PCDHGA4: variants seen among roughly 807,000 people sequenced by gnomAD.
PCDHGA4 encodes the protein protocadherin gamma subfamily A, 4.
In PCDHGA4, 38 loss-of-function variants were observed where a neutral mutation model predicts 54.6. That is an observed-to-expected ratio of 0.70 (90% CI 0.54 to 0.91). The LOEUF is 0.91. PCDHGA4 is among the 40% of genes least tolerant of loss of function. PCDHGA4 has a pLI of 0.00. For synonymous variants in PCDHGA4, 511 were observed against 512.9 expected (o/e 1.00, Z 0.05); for missense variants, 1,298 against 1,220.9 (o/e 1.06, Z -0.94).
At chr5:141,404,568 G>A (rs2094540345) in intron 1 of PCDHGA4, 1 of 1,613,868 alleles carries the variant, frequency 6.2e-7, no homozygotes, top group Non-Finnish European at 8.5e-7. Flanking sequence ...GACAGTGGAA[G>A]CCCACCACTT....
intron 1 of PCDHGA4, among the ~76,000 whole-genome samples, chr5:141,469,490 G>A (rs1346871954): frequency 3.3e-5 from 5 of 152,146 alleles, no homozygotes; most frequent in East Asian, 3.9e-4. Context: ...CAGGAGAATC[G>A]CTTGAACCCG....
rs1327610213 is a variant in PCDHGA4 at position 141,423,493 on chromosome 5, C to T, written c.2514+65872C>T. 5 of 1,613,984 alleles carry T rather than the reference C, an allele frequency of 3.1e-6. No homozygotes were observed. In the South Asian group the frequency reaches 5.5e-5, roughly 18 times the overall value. On this transcript the variant is annotated intron_variant, in intron 1 of 3. Coordinates refer to ENST00000571252, the MANE Select transcript of PCDHGA4 (RefSeq NM_018917.4). The stretch of plus-strand genomic sequence containing the variant: ...ACAGGCTTTCCTGCAAACCTATTCC[C>T]ACGAGGTCTCTCTCATTGCGGACTC...
At chr5:141,389,988 C>T (rs1348283803) in intron 1 of PCDHGA4, 7 of 1,613,918 alleles carry the variant, frequency 4.3e-6, no homozygotes, top group Non-Finnish European at 5.9e-6. Context: ...AGTGCTCTTC[C>T]TCGTGGCCAT....
At chr5:141,481,318 A>C (rs758947998) in intron 1 of PCDHGA4, among the ~76,000 whole-genome samples, 6 of 152,216 alleles carry the variant, frequency 3.9e-5, no homozygotes, top group Non-Finnish European at 8.8e-5. Context: ...TTCCTAAAGC[A>C]CTAGCCCCTG....
In PCDHGA4 at chr5:141,431,620, G is replaced by T; in HGVS notation, c.2515-63187G>T. 6.2e-7 allele frequency: 1 copy of T among 1,614,232 alleles called. No individual in the cohort carries two copies. The highest frequency in any genetic ancestry group is 8.5e-7 in the Non-Finnish European group (1 of 1,180,050). Reference sequence around the variant, plus strand: ...ATTCCTTCCGGTATGTGGACGACAAGGCGGCCCAAGTTTTCAAACTAGATT... The same window carrying T: ...ATTCCTTCCGGTATGTGGACGACAATGCGGCCCAAGTTTTCAAACTAGATT... On this transcript the variant is annotated intron_variant, in intron 1 of 3. Transcript: ENST00000571252. The surrounding 1 kb of genome is among the most constrained non-coding windows in gnomAD (Gnocchi z 4.8).
chr5:141,491,407 G>A lies in PCDHGA4; in HGVS notation c.2515-3400G>A. ...GAAGTGCCTTCAGGGAAACGCAGAC[G>A]GGGACGGGGGTGGAGGGCAGTGCTG... is the stretch of plus-strand genomic sequence containing the variant. On this transcript the variant is annotated intron_variant, in intron 1 of 3. Transcript: ENST00000571252. The surrounding 1 kb of genome is among the most constrained non-coding windows in gnomAD (Gnocchi z 6.9). The A allele has an allele frequency of 6.2e-7, 1 of 1,614,116 alleles. No individual in the cohort carries two copies. The highest frequency in any genetic ancestry group is 8.5e-7 in the Non-Finnish European group (1 of 1,180,000).
chr5:141,422,398 C>T lies in PCDHGA4; in HGVS notation c.2514+64777C>T, dbSNP rs2096646163. On this transcript the variant is annotated intron_variant, in intron 1 of 3. Transcript: ENST00000571252. Reference sequence around the variant, plus strand: ...AGTCTCCTGTTTTATTCCTAACCACCTGCCTTTTAAATTAGAAAAGACTTA... The same window carrying T: ...AGTCTCCTGTTTTATTCCTAACCACTTGCCTTTTAAATTAGAAAAGACTTA... The T allele has an allele frequency of 1.9e-6, 3 of 1,597,634 alleles. No individual in the cohort carries two copies. In the Admixed American group the frequency reaches 5.3e-5, roughly 28 times the overall value.
At chr5:141,399,450 C>T in intron 1 of PCDHGA4, 3 of 1,614,018 alleles carry the variant, frequency 1.9e-6, no homozygotes, top group Non-Finnish European at 1.7e-6. Context: ...TCAGAGACGT[C>T]AACGATAACG....
chr5:141,491,855 G>A lies in PCDHGA4; in HGVS notation c.2515-2952G>A. ...TTCTCGGGATCATTGGACCGTTTGC[G>A]CGAAACCAGAGTGGCCGATTAAGGG... On this transcript the variant is annotated intron_variant, in intron 1 of 3. Coordinates refer to ENST00000571252, the MANE Select transcript of PCDHGA4 (RefSeq NM_018917.4). The surrounding 1 kb of genome is among the most constrained non-coding windows in gnomAD (Gnocchi z 6.9). The A allele has an allele frequency of 2.7e-6, 4 of 1,459,380 alleles. No individual in the cohort carries two copies. The highest frequency in any genetic ancestry group is 3.6e-6 in the Non-Finnish European group (4 of 1,103,492). The allele number at this position is 1,459,380 out of a possible 1,614,324, so 90.4% of individuals were successfully genotyped here. A position where few individuals can be genotyped will look rare whatever the true frequency, so the allele number is the denominator to read the frequency against.
intron 1 of PCDHGA4, chr5:141,375,669 A>T (rs755513841): frequency 1.8e-5 from 29 of 1,614,240 alleles, no homozygotes; most frequent in Non-Finnish European, 2.4e-5. Context: ...AGAGACCTAC[A>T]GCTGTGGGTG....
rs1242637725 is a variant in PCDHGA4 at position 141,432,619 on chromosome 5, T to G, written c.2515-62188T>G. 3.1e-6 allele frequency: 5 copies of G among 1,612,618 alleles called. No homozygotes were observed. The highest frequency in any genetic ancestry group is 1.7e-5 in the Admixed American group (1 of 59,934). On this transcript the variant is annotated intron_variant, in intron 1 of 3. Transcript: ENST00000571252. This position sits in a 1 kb window ranked among gnomAD's most constrained non-coding sequence, Gnocchi z 6.0. ...GCGAGCCGGGACTCTTCTCGGTGGG[T>G]CTGCACACGGGCGAGGTGCGCACGG... is the stretch of plus-strand genomic sequence containing the variant.
At position 141,400,246 on chromosome 5, in the gene PCDHGA4, G is replaced by T. The variant is rs373890751; in HGVS notation, c.2514+42625G>T. 4 of 1,613,986 alleles carry T rather than the reference G, an allele frequency of 2.5e-6. No individual in the cohort carries two copies. In the East Asian group the frequency reaches 6.7e-5, roughly 27 times the overall value. Reference sequence around the variant, plus strand: ...CTTCCTCCTGGCCGTGATTCTGGCCGTTGCCTTGCGCCTGCGACGCTCCTC... The same window carrying T: ...CTTCCTCCTGGCCGTGATTCTGGCCTTTGCCTTGCGCCTGCGACGCTCCTC... On this transcript the variant is annotated intron_variant, in intron 1 of 3. Transcript: ENST00000571252.
intron 1 of PCDHGA4, chr5:141,414,893 C>T: frequency 6.2e-7 from 1 of 1,614,248 alleles, no homozygotes; most frequent in Non-Finnish European, 8.5e-7. Context: ...GCCCTCCCCA[C>T]AGACGGTTCC....
At position 141,487,215 on chromosome 5, in the gene PCDHGA4, C is replaced by G. The variant is rs1248989099; in HGVS notation, c.2515-7592C>G. 4 of 1,613,850 alleles carry G rather than the reference C, an allele frequency of 2.5e-6. No homozygotes were observed. Among genetic ancestry groups the G allele is most frequent in the East Asian group, 4.5e-5 (2 of 44,882 alleles). The stretch of plus-strand genomic sequence containing the variant: ...GTCCCAGATCTTCGAGAATCTTCAG[C>G]TCCAAGGGAAGGAGAATCTCGTCTA... On this transcript the variant is annotated intron_variant, in intron 1 of 3. Coordinates refer to ENST00000571252, the MANE Select transcript of PCDHGA4 (RefSeq NM_018917.4). This position sits in a 1 kb window ranked among gnomAD's most constrained non-coding sequence, Gnocchi z 5.0.
chr5:141,427,839 G>T, intron 1 of PCDHGA4: 1 of 1,547,310 alleles, frequency 6.5e-7, no homozygotes, highest in Non-Finnish European at 8.8e-7. Flanking sequence ...GCGTGCCTTC[G>T]ACCACGAGCA....
intron 1 of PCDHGA4, among the ~76,000 whole-genome samples, chr5:141,466,063 A>G (rs554503713): frequency 3.3e-5 from 5 of 152,268 alleles, no homozygotes; most frequent in Admixed American, 6.5e-5. Context: ...CGGAGCTTGC[A>G]GTGAGCTGAT....
chr5:141,366,069 G>T (rs544928184), intron 1 of PCDHGA4: 12 of 1,614,216 alleles, frequency 7.4e-6, no homozygotes, highest in African/African-American at 2.7e-5. Context: ...CTGGCGCCTC[G>T]CTCCGCAGAA....
At chr5:141,401,656 T>G (rs1400500695) in intron 1 of PCDHGA4, among the ~76,000 whole-genome samples, 1 of 152,248 alleles carries the variant, frequency 6.6e-6, no homozygotes, top group East Asian at 1.9e-4. Context: ...AATGACTGGA[T>G]GTTTTCTCAA....
At chr5:141,421,965 C>A in intron 1 of PCDHGA4, 1 of 1,610,360 alleles carries the variant, frequency 6.2e-7, no homozygotes, top group Non-Finnish European at 8.5e-7. Context: ...TTACACAGTC[C>A]GTATATCGCG....
Sources: allele counts gnomAD v4.1 joint callset (sites outside exome capture counted in the v4.1 genomes callset), GRCh38; gene constraint gnomAD v4.1.1; non-coding constraint Gnocchi (gnomAD v3.1); transcripts MANE v1.5; gene names NCBI Gene and HGNC (gene_info 2026-07-23, HGNC 2026-07-21).